The following TEX9 variants were observed in gnomAD, a reference collection of about 807,000 sequenced individuals.
TEX9 encodes testis expressed 9.
TEX9 carries 74 observed loss-of-function variants against 59.6 expected under a neutral mutation model. The observed-to-expected ratio is 1.24, with a 90% CI of 1.03 to 1.51. The LOEUF is 1.51. Among genes scored for constraint, TEX9 ranks in the 40% most tolerant of loss-of-function variants. The probability of loss-of-function intolerance (pLI) is 0.00; values close to 1 mark genes in which losing one functional copy is unlikely to be tolerated. For missense variants in TEX9, 522 were observed against 447.8 expected, an observed-to-expected ratio of 1.17 and a Z score of -1.49; for synonymous variants, 186 against 152.2, an observed-to-expected ratio of 1.22 and a Z score of -1.64.
At chr15:56,305,489 T>C (rs2045459720) in intron 1 of TEX9, among the ~76,000 whole-genome samples, 1 of 152,148 alleles carries the variant, frequency 6.6e-6, no homozygotes, top group Non-Finnish European at 1.5e-5. Flanking sequence ...AGTGAACTCA[T>C]TTTTGACAAA....
chr15:56,327,165 AGTT>A (rs1227954044), intron 1 of TEX9, among the ~76,000 whole-genome samples: 1 of 152,226 alleles, frequency 6.6e-6, no homozygotes, highest in African/African-American at 2.4e-5. Context: ...ATTAATTTGT[AGTT>A]GTCTTGTCAC....
the TEX9 span, chr15:56,456,368 A>C: frequency 1.3e-6 from 2 of 1,585,844 alleles, no homozygotes. Flanking sequence ...AGACTAAATA[A>C]ATGAAATTTA....
intron 4 of TEX9, 35 bp downstream of exon 4, chr15:56,384,066 A>C (rs2047856920): frequency 6.6e-7 from 1 of 1,521,338 alleles, no homozygotes; most frequent in Non-Finnish European, 9.1e-7. Flanking sequence ...CCTTCTTTTA[A>C]AAGGATGTAC....
intron 3 of TEX9, among the ~76,000 whole-genome samples, chr15:56,379,087 A>T (rs1486106391): frequency 6.6e-6 from 1 of 151,342 alleles, no homozygotes; most frequent in Non-Finnish European, 1.5e-5. Context: ...AAAAAAAAGA[A>T]AGAAAGAAAA....
chr15:56,427,860 C>T lies in TEX9; in HGVS notation c.1098+121C>T, dbSNP rs1174481644. 12 of 698,274 alleles carry T rather than the reference C, an allele frequency of 1.7e-5. 1 individual carries two copies. The Admixed American group carries it at 3.8e-4, about 22-fold the overall frequency. 43.3% of individuals were successfully genotyped at this position (698,274 alleles called of 1,614,324 possible). On this transcript the variant is annotated intron_variant, in intron 11 of 12. Transcript: ENST00000352903. The stretch of plus-strand genomic sequence containing the variant: ...TACGCACTGAACTTCATATAAAATG[C>T]ATCATACATATGAAATCATATGAAA...
chr15:56,335,769 T>C (rs1328251398), intron 1 of TEX9, among the ~76,000 whole-genome samples: 2 of 152,138 alleles, frequency 1.3e-5, no homozygotes, highest in Non-Finnish European at 2.9e-5. Flanking sequence ...CCCATAAATA[T>C]ATATACCTAC....
intron 1 of TEX9, among the ~76,000 whole-genome samples, chr15:56,304,562 G>C (rs1235101237): frequency 6.6e-6 from 1 of 152,130 alleles, no homozygotes; most frequent in African/African-American, 2.4e-5. Context: ...TGTGTATGTA[G>C]AACTATCCTT....
Position 56,413,833 on chromosome 15 carries a change from C to T in TEX9, c.963+1397C>T, listed in dbSNP as rs139546589. Among the ~76,000 whole-genome samples the T allele has an allele frequency of 4.9e-4, 74 of 151,730 alleles. 2 individuals are homozygous for T. Among genetic ancestry groups the T allele is most frequent in the African/African-American group, 1.7e-3 (71 of 41,184 alleles). On this transcript the variant is annotated intron_variant, in intron 10 of 12. Transcript: ENST00000352903. ...TTAACAGGAATAGACTGAAAGTGAC[C>T]TTGATACATCCTCTAACATGTTTGA... is the stretch of plus-strand genomic sequence containing the variant.
At chr15:56,311,172 T>A (rs1294128467) in intron 1 of TEX9, among the ~76,000 whole-genome samples, 1 of 150,404 alleles carries the variant, frequency 6.6e-6, no homozygotes, top group Non-Finnish European at 1.5e-5. Context: ...CTTTAAGTTT[T>A]AGGGTACATG....
intron 9 of TEX9, among the ~76,000 whole-genome samples, chr15:56,405,543 A>G (rs2049037518): frequency 6.6e-6 from 1 of 152,176 alleles, no homozygotes; most frequent in Admixed American, 6.5e-5. Flanking sequence ...GTTCACAATG[A>G]ATGTACTAAG....
At chr15:56,355,299 G>A (rs1292143562) in intron 1 of TEX9, among the ~76,000 whole-genome samples, 1 of 152,120 alleles carries the variant, frequency 6.6e-6, no homozygotes, top group African/African-American at 2.4e-5. Flanking sequence ...CTAACTTTAT[G>A]AGACACTGTC....
chr15:56,381,871 T>A (rs1360543320), intron 3 of TEX9, among the ~76,000 whole-genome samples: 1 of 152,296 alleles, frequency 6.6e-6, no homozygotes, highest in African/African-American at 2.4e-5. Context: ...ACCACCTATG[T>A]TCACTCAAGG....
upstream of TEX9, among the ~76,000 whole-genome samples, chr15:56,362,526 GTTTATT>G (rs574445256): frequency 2.8e-3 from 431 of 152,212 alleles, 2 homozygotes; most frequent in African/African-American, 1.0e-2. Context: ...GTTGTAAATA[GTTTATT>G]TTTAAGATGT....
chr15:56,413,902 G>A (rs540124138), intron 10 of TEX9, among the ~76,000 whole-genome samples: 39 of 151,732 alleles, frequency 2.6e-4, no homozygotes, highest in South Asian at 1.9e-3. Flanking sequence ...TTAAGATGTC[G>A]TCTGTGAGAT....
intron 4 of TEX9, among the ~76,000 whole-genome samples, chr15:56,385,039 A>G (rs1365929173): frequency 6.6e-6 from 1 of 152,206 alleles, no homozygotes; most frequent in Non-Finnish European, 1.5e-5. Context: ...TGTATGTGGT[A>G]TAAGAGTCAA....
intron 1 of TEX9, among the ~76,000 whole-genome samples, chr15:56,352,549 C>T (rs1009255293): frequency 6.6e-6 from 1 of 151,914 alleles, no homozygotes; most frequent in African/African-American, 2.4e-5. Context: ...CATCATGCCC[C>T]GCCCTGTATT....
chr15:56,315,717 G>A (rs1218638923), intron 1 of TEX9, among the ~76,000 whole-genome samples: 4 of 144,220 alleles, frequency 2.8e-5, no homozygotes, highest in Non-Finnish European at 4.7e-5. Flanking sequence ...GATTGGGGAA[G>A]TTCTCCTGGA....
chr15:56,309,479 G>C (rs745642105), intron 1 of TEX9, among the ~76,000 whole-genome samples: 1 of 152,042 alleles, frequency 6.6e-6, no homozygotes, highest in Non-Finnish European at 1.5e-5. Context: ...GTTGATGGTT[G>C]TAACATCCAC....
At chr15:56,266,169 C>G (rs1403826030) in intron 1 of TEX9, among the ~76,000 whole-genome samples, 8 of 151,962 alleles carry the variant, frequency 5.3e-5, no homozygotes, top group Admixed American at 5.2e-4. Context: ...CTCTGTCTCC[C>G]AGGCTGGAGT....
Sources: allele counts gnomAD v4.1 joint callset (sites outside exome capture counted in the v4.1 genomes callset), GRCh38; gene constraint gnomAD v4.1.1; transcripts MANE v1.5; gene names NCBI Gene and HGNC (gene_info 2026-07-23, HGNC 2026-07-21).